Variants in IL34 observed in about 807,000 individuals in gnomAD.
The protein encoded by IL34 is interleukin 34.
Under a neutral mutation model 25.3 loss-of-function variants are expected in IL34, and 17 were observed. That is an observed-to-expected ratio of 0.67 (90% CI 0.46 to 1.01). IL34 has a LOEUF of 1.01. IL34 is among the 50% of genes least tolerant of loss of function. The pLI is 0.00. For missense variants in IL34, 368 were observed against 312.9 expected, an observed-to-expected ratio of 1.18 and a Z score of -1.33; for synonymous variants, 174 against 140.9, an observed-to-expected ratio of 1.23 and a Z score of -1.66.
chr16:70,648,132 G>T (rs780464309), intron 1 of IL34, among the ~76,000 whole-genome samples: 1 of 152,204 alleles, frequency 6.6e-6, no homozygotes, highest in East Asian at 1.9e-4. Flanking sequence ...TTGAGAGCCC[G>T]GCGGGGGTGG....
intron 1 of IL34, among the ~76,000 whole-genome samples, chr16:70,648,972 G>C (rs1028199771): frequency 1.3e-5 from 2 of 152,112 alleles, no homozygotes; most frequent in Non-Finnish European, 2.9e-5. Context: ...CTTTCCCTTT[G>C]TGTGTCTCTA....
intron 1 of IL34, among the ~76,000 whole-genome samples, chr16:70,636,642 C>G (rs1206476376): frequency 6.7e-6 from 1 of 148,432 alleles, no homozygotes; most frequent in African/African-American, 2.5e-5. Context: ...ATTAGCTGGG[C>G]ATGATTGAGT....
chr16:70,625,302 C>CG (rs1047702966), intron 1 of IL34, among the ~76,000 whole-genome samples: 2 of 144,298 alleles, frequency 1.4e-5, no homozygotes, highest in African/African-American at 2.6e-5. Context: ...GGAAGGGGTT[C>CG]GGGGGTTCTT....
chr16:70,628,688 T>C (rs1022222640), intron 1 of IL34, among the ~76,000 whole-genome samples: 7 of 151,958 alleles, frequency 4.6e-5, no homozygotes, highest in Non-Finnish European at 8.8e-5. Context: ...GGTCTCACCA[T>C]GTTGACCAAG....
intron 1 of IL34, among the ~76,000 whole-genome samples, chr16:70,581,436 T>A (rs1217780761): frequency 6.6e-6 from 1 of 150,436 alleles, no homozygotes; most frequent in Admixed American, 6.6e-5. Flanking sequence ...GTTATTGTTT[T>A]TTCCCCCCTT....
chr16:70,644,905 GAGGAGGGAGGAGAA>G, upstream of IL34, among the ~76,000 whole-genome samples: 1 of 133,338 alleles, frequency 7.5e-6, no homozygotes, highest in Non-Finnish European at 1.6e-5. Flanking sequence ...GAAGGAGGAA[GAGGAGGGAGGAGAA>G]GGAGGAGGAA....
chr16:70,618,932 G>A (rs1369048516), intron 1 of IL34, among the ~76,000 whole-genome samples: 3 of 152,086 alleles, frequency 2.0e-5, no homozygotes, highest in Non-Finnish European at 2.9e-5. Context: ...ACGGTGCAAA[G>A]GAATAGTAAA....
At chr16:70,590,717 G>C (rs557070098) in intron 1 of IL34, among the ~76,000 whole-genome samples, 21 of 152,296 alleles carry the variant, frequency 1.4e-4, no homozygotes, top group African/African-American at 4.3e-4. Context: ...CAGAGGTTAA[G>C]TCACCTGCCC....
At chr16:70,591,570 T>TAAAAAAAAAA (rs35725906) in intron 1 of IL34, among the ~76,000 whole-genome samples, 7 of 127,194 alleles carry the variant, frequency 5.5e-5, no homozygotes, top group South Asian at 2.5e-4. Flanking sequence ...TCCTGTCTCT[T>TAAAAAAAAAA]AAAAAAAAAA....
At chr16:70,624,728 G>C (rs548468761) in intron 1 of IL34, among the ~76,000 whole-genome samples, 2 of 151,944 alleles carry the variant, frequency 1.3e-5, no homozygotes, top group South Asian at 4.1e-4. Context: ...GTCACTGAAC[G>C]AAACTATAAG....
At chr16:70,634,482 C>T (rs71401819) in intron 1 of IL34, among the ~76,000 whole-genome samples, 15,784 of 151,910 alleles carry the variant, frequency 0.1, 875 homozygotes, top group South Asian at 0.17. Context: ...GAGTTCGAGA[C>T]CAGCCTGACC....
At chr16:70,614,183 CAAA>C (rs35356831) in intron 1 of IL34, among the ~76,000 whole-genome samples, 5 of 131,092 alleles carry the variant, frequency 3.8e-5, no homozygotes, top group Admixed American at 1.6e-4. Flanking sequence ...AACCCTGTCT[CAAA>C]AAAAAAAAAA....
chr16:70,626,397 TTTG>T (rs2051394507), intron 1 of IL34, among the ~76,000 whole-genome samples: 1 of 152,168 alleles, frequency 6.6e-6, no homozygotes, highest in African/African-American at 2.4e-5. Context: ...TTTGTTTGTT[TTTG>T]TTTTTGTTTT....
rs926860502 is a variant in IL34 at position 70,660,311 on chromosome 16, G to A, written c.*124G>A. On this transcript the variant is annotated 3_prime_UTR_variant, in exon 6 of 6. Transcript: ENST00000288098. ...TTGGGAGAGGACCCCTGGGAAGGGT[G>A]TTTTTCCTTTGAGGGGGATTCTGTG... 24 of 885,726 alleles carry A rather than the reference G, an allele frequency of 2.7e-5. No homozygotes were observed. The highest frequency in any genetic ancestry group is 3.6e-5 in the Non-Finnish European group (22 of 611,034). The allele number at this position is 885,726 out of a possible 1,614,324, so 54.9% of individuals were successfully genotyped here.
At chr16:70,630,170 C>G (rs34234103) in intron 1 of IL34, among the ~76,000 whole-genome samples, 23,040 of 152,168 alleles carry the variant, frequency 0.15, 2,157 homozygotes, top group African/African-American at 0.27. Context: ...TTACAAATGA[C>G]AGGATCTCAT....
At chr16:70,602,542 ATAAAT>A (rs1034961631) in intron 1 of IL34, among the ~76,000 whole-genome samples, 1 of 151,488 alleles carries the variant, frequency 6.6e-6, no homozygotes, top group African/African-American at 2.4e-5. Context: ...CAAAAATAAA[ATAAAT>A]TAAAATGAGA....
chr16:70,588,841 G>C (rs896182313), intron 1 of IL34, among the ~76,000 whole-genome samples: 2 of 152,188 alleles, frequency 1.3e-5, no homozygotes, highest in African/African-American at 4.8e-5. Flanking sequence ...AACGGAGCCA[G>C]AGTAGCCAGG....
chr16:70,654,119 G>C (rs542580853), intron 1 of IL34: 1 of 156,460 alleles, frequency 6.4e-6, no homozygotes, highest in South Asian at 2.0e-4. Flanking sequence ...GTTGAAACCA[G>C]AATCCAGGAT....
At chr16:70,582,212 T>C (rs1196513597) in intron 1 of IL34, among the ~76,000 whole-genome samples, 1 of 152,268 alleles carries the variant, frequency 6.6e-6, no homozygotes, top group Non-Finnish European at 1.5e-5. Flanking sequence ...GGATGGCAGG[T>C]GGAGCATCAG....
Sources: gnomAD v4.1 joint callset for allele counts (sites outside exome capture counted in the v4.1 genomes callset) on GRCh38, gnomAD v4.1.1 for gene constraint, MANE v1.5 for transcripts, NCBI Gene and HGNC (gene_info 2026-07-23, HGNC 2026-07-21) for gene names.